Variants in RHBDD1 observed in about 807,000 individuals in gnomAD.
RHBDD1 encodes the protein rhomboid-related protein 4.
Under a neutral mutation model 36.3 loss-of-function variants are expected in RHBDD1, and 38 were observed. The ratio of observed to expected loss-of-function variants is 1.05; its 90% CI spans 0.81 to 1.37. The LOEUF (loss-of-function observed/expected upper bound fraction) is 1.37, where lower values mean the gene tolerates loss of function less well. Among genes scored for constraint, RHBDD1 ranks in the 40% most tolerant of loss-of-function variants. The pLI, the probability that RHBDD1 is intolerant of heterozygous loss-of-function variation, is 0.00. For missense variants in RHBDD1, 393 were observed against 377.6 expected (o/e 1.04, Z -0.34); for synonymous variants, 151 against 136.5 (o/e 1.11, Z -0.74).
chr2:226,841,764 CATGT>C (rs1231829000), intron 3 of RHBDD1, among the ~76,000 whole-genome samples: 1 of 152,154 alleles, frequency 6.6e-6, no homozygotes, highest in Non-Finnish European at 1.5e-5. Context: ...CATATGCATG[CATGT>C]ATCTTTATAA....
At chr2:226,861,380 CAGAA>C (rs1212863354) in intron 3 of RHBDD1, among the ~76,000 whole-genome samples, 1 of 152,096 alleles carries the variant, frequency 6.6e-6, no homozygotes, top group Non-Finnish European at 1.5e-5. Context: ...GGGATGCAGA[CAGAA>C]AGACACCTTT....
intron 5 of RHBDD1, chr2:226,895,574 G>A: frequency 1.6e-6 from 1 of 617,378 alleles, no homozygotes; most frequent in Non-Finnish European, 2.0e-6. Flanking sequence ...GCCCAATTAA[G>A]GGAGTCGGGG....
chr2:226,927,503 G>A (rs1247132171), intron 8 of RHBDD1, among the ~76,000 whole-genome samples: 1 of 151,882 alleles, frequency 6.6e-6, no homozygotes, highest in African/African-American at 2.4e-5. Context: ...TAGGAGTAGG[G>A]TTTCTGGATT....
intron 8 of RHBDD1, among the ~76,000 whole-genome samples, chr2:226,987,185 G>A (rs1957145287): frequency 1.3e-5 from 2 of 152,136 alleles, no homozygotes; most frequent in Non-Finnish European, 2.9e-5. Context: ...TGGGGGCTGG[G>A]GGCAAGGGGA....
intron 8 of RHBDD1, among the ~76,000 whole-genome samples, chr2:226,981,521 AAC>A (rs1559341454): frequency 6.6e-6 from 1 of 151,684 alleles, no homozygotes; most frequent in Non-Finnish European, 1.5e-5. Context: ...CACTCATGCA[AAC>A]ACATGCAGGC....
At chr2:226,905,407 C>G (rs1455848496) in intron 5 of RHBDD1, among the ~76,000 whole-genome samples, 1 of 152,092 alleles carries the variant, frequency 6.6e-6, no homozygotes, top group Non-Finnish European at 1.5e-5. Flanking sequence ...TTGGCTTAGC[C>G]TATGGTCAGA....
the RHBDD1 span, chr2:226,807,422 C>G: frequency 3.3e-5 from 5 of 152,078 alleles, no homozygotes; most frequent in Non-Finnish European, 7.4e-5. Flanking sequence ...TTCATAAAAA[C>G]TAGATAAAAT....
At chr2:226,824,603 C>A in the RHBDD1 span, among the ~76,000 whole-genome samples, 1 of 152,156 alleles carries the variant, frequency 6.6e-6, no homozygotes, top group African/African-American at 2.4e-5. Context: ...CTCCTTGCTT[C>A]AACCCACAGC....
At chr2:226,954,994 G>C (rs1025793923) in intron 8 of RHBDD1, among the ~76,000 whole-genome samples, 7 of 151,940 alleles carry the variant, frequency 4.6e-5, no homozygotes, top group Non-Finnish European at 8.8e-5. Context: ...GTATCGAGGT[G>C]GGGGAGAGAT....
chr2:226,938,533 A>T (rs1162851772), intron 8 of RHBDD1, among the ~76,000 whole-genome samples: 3 of 152,172 alleles, frequency 2.0e-5, no homozygotes, highest in African/African-American at 7.2e-5. Flanking sequence ...GGAGAAATGG[A>T]TAAATTCATG....
At chr2:226,945,173 ATTATAC>A (rs1178741751) in intron 8 of RHBDD1, among the ~76,000 whole-genome samples, 8 of 149,748 alleles carry the variant, frequency 5.3e-5, no homozygotes, top group Non-Finnish European at 1.0e-4. Context: ...TATTATTATT[ATTATAC>A]TTTAAGTTCT....
intron 5 of RHBDD1, among the ~76,000 whole-genome samples, chr2:226,887,191 A>G (rs754502159): frequency 7.2e-5 from 11 of 152,114 alleles, no homozygotes; most frequent in Non-Finnish European, 1.6e-4. Flanking sequence ...TGGAGTTTTT[A>G]AAAGTTGTTG....
intron 5 of RHBDD1, among the ~76,000 whole-genome samples, chr2:226,886,316 T>C (rs990383850): frequency 6.6e-6 from 1 of 152,160 alleles, no homozygotes; most frequent in South Asian, 2.1e-4. Context: ...CTGGCCCAGC[T>C]AAAGATAAAT....
At chr2:226,965,500 C>T (rs577413981) in intron 8 of RHBDD1, among the ~76,000 whole-genome samples, 1 of 152,270 alleles carries the variant, frequency 6.6e-6, no homozygotes, top group African/African-American at 2.4e-5. Context: ...GAGAGGACTG[C>T]GGCTCCACTT....
At chr2:226,944,833 G>T (rs1490385624) in intron 8 of RHBDD1, among the ~76,000 whole-genome samples, 1 of 152,150 alleles carries the variant, frequency 6.6e-6, no homozygotes, top group Non-Finnish European at 1.5e-5. Flanking sequence ...ATTTGAATTA[G>T]TGAGTTCCTG....
intron 8 of RHBDD1, among the ~76,000 whole-genome samples, 169 bp from the exon 9 acceptor site, chr2:226,995,262 G>A (rs777934978): frequency 2.6e-5 from 4 of 152,154 alleles, no homozygotes; most frequent in African/African-American, 9.7e-5. Flanking sequence ...TTTACTTGAC[G>A]TTGAAATTTA....
intron 8 of RHBDD1, among the ~76,000 whole-genome samples, chr2:226,978,652 C>T (rs1389059642): frequency 6.6e-6 from 1 of 152,212 alleles, no homozygotes; most frequent in East Asian, 1.9e-4. Flanking sequence ...CCCCATGGAG[C>T]TCACAACGCA....
chr2:226,957,649 C>T (rs1000832256), intron 8 of RHBDD1, among the ~76,000 whole-genome samples: 1 of 152,068 alleles, frequency 6.6e-6, no homozygotes, highest in African/African-American at 2.4e-5. Context: ...AACCATGTAT[C>T]TGATAAGGGA....
the RHBDD1 span, among the ~76,000 whole-genome samples, chr2:226,815,246 G>C: frequency 1.3e-5 from 2 of 151,988 alleles, no homozygotes; most frequent in African/African-American, 4.8e-5. Flanking sequence ...AACTCTAATT[G>C]TTGGTAACTT....
Sources: allele counts gnomAD v4.1 joint callset (sites outside exome capture counted in the v4.1 genomes callset), GRCh38; gene constraint gnomAD v4.1.1; transcripts MANE v1.5; gene names NCBI Gene and HGNC (gene_info 2026-07-23, HGNC 2026-07-21).